The following UBR4 variants were observed in gnomAD, a reference collection of about 807,000 sequenced individuals.
The protein encoded by UBR4 is E3 ubiquitin-protein ligase UBR4.
In UBR4, 124 loss-of-function variants were observed where a neutral mutation model predicts 575.6. The observed-to-expected ratio is 0.22, with a 90% CI of 0.19 to 0.25. The LOEUF is 0.25. Among genes scored for constraint, UBR4 ranks in the 10% least tolerant of loss-of-function variants. UBR4 has a pLI of 1.00. For missense variants in UBR4, 4,818 were observed against 6,478.8 expected (o/e 0.74, Z 8.80); for synonymous variants, 2,455 against 2,473.7 (o/e 0.99, Z 0.22).
chr1:19,119,603 T>C lies in UBR4; in HGVS notation c.10409A>G (p.Asp3470Gly). 6.2e-7 allele frequency: 1 copy of C among 1,614,076 alleles called. No individual in the cohort carries two copies. The highest frequency in any genetic ancestry group is 8.5e-7 in the Non-Finnish European group (1 of 1,179,936). Residue 3470 changes from aspartate (D) to glycine (G), a missense_variant, in exon 70 of 106, where the codon GAC becomes GGC. By Grantham distance (94) the Asp-to-Gly change is moderately conservative. Transcript: ENST00000375254. ...TTTCAGGGAGAAATATCCTAGTAGG[T>C]CCACAAACTGGGCAGCCTTACGACC... is the stretch of plus-strand genomic sequence containing the variant. Reference protein sequence around the residue: ...AYGRKAAQFVDLLGYFSLKTP... With the variant: ...AYGRKAAQFVGLLGYFSLKTP...
Position 19,105,822 on chromosome 1 carries a change from C to T in UBR4, c.12414G>A (p.Thr4138=), listed in dbSNP as rs146021240. The T allele has an allele frequency of 2.4e-5, 39 of 1,603,626 alleles. 1 individual carries two copies. In the South Asian group the frequency reaches 3.5e-4, roughly 14 times the overall value. The change falls in exon 84 of 106, where the codon ACG becomes ACA. Residue 4138 remains threonine (T), a synonymous_variant. Coordinates refer to ENST00000375254, the MANE Select transcript of UBR4 (RefSeq NM_020765.3). ...TACAGGCTGCCTGCCGTGCGGCCTGCGTTGCTGGAGTGAAAAGCACCTGCA... is the reference window on the plus strand; with the variant it reads ...TACAGGCTGCCTGCCGTGCGGCCTGTGTTGCTGGAGTGAAAAGCACCTGCA... ...WLRQVLFTPA[T]QAARQAACTI...
At chr1:19,099,704 T>C (rs1169489323) in intron 89 of UBR4, 27 bp from the exon 90 acceptor site, 7 of 1,601,248 alleles carry the variant, frequency 4.4e-6, no homozygotes, top group African/African-American at 1.3e-5. Context: ...GTGAAGCTGT[T>C]GTTCCAAATA....
chr1:19,137,594 G>A (rs2083338149), intron 60 of UBR4, among the ~76,000 whole-genome samples: 1 of 152,132 alleles, frequency 6.6e-6, no homozygotes, highest in Non-Finnish European at 1.5e-5. Flanking sequence ...CAAACATGCT[G>A]AACAAGGAGC....
rs760884793 is a variant in UBR4, at chr1:19,183,872, G to A, written c.2123C>T (p.Ala708Val). 7 of 1,614,132 alleles carry A rather than the reference G, an allele frequency of 4.3e-6. No individual in the cohort carries two copies. Among genetic ancestry groups the A allele is most frequent in the South Asian group, 1.1e-5 (1 of 91,078 alleles). Residue 708 changes from alanine to valine, a missense_variant, in exon 17 of 106, where the codon GCA becomes GTA. By Grantham distance (64) the Ala-to-Val change is moderately conservative. Transcript: ENST00000375254. ...TGAGTGGTTGAAGTGATAGAGAGCT[G>A]CAGCAAACTCTTCATCTGATGAACC... The part of the protein sequence containing the change: ...LKGSSDEEFA[A>V]ALYHFNHSLV...
At chr1:19,149,808 GC>G in intron 49 of UBR4, 1 of 1,270,442 alleles carries the variant, frequency 7.9e-7, no homozygotes, top group African/African-American at 1.6e-5. Flanking sequence ...TGGGGGAGAA[GC>G]AAAGAAAAAA....
chr1:19,148,756 T>G, intron 49 of UBR4, 130 bp from the exon 50 acceptor site: 1 of 924,512 alleles, frequency 1.1e-6, no homozygotes, highest in South Asian at 1.5e-5. Flanking sequence ...CAAAGCACAA[T>G]AAGACCTGCC....
In UBR4 at chr1:19,172,911, T is replaced by A; in HGVS notation, c.3474A>T (p.Leu1158=). ...CAATGAGTTGCAGCGTGGCTGGAAG[T>A]AGGTTCTTGGTAATCTCAGACGACT... ...PHKSSEITKN[L]LPATLQLIDT... is the part of the protein sequence containing the mutation. Residue 1158 remains leucine, a synonymous_variant, in exon 25 of 106, where the codon CTA becomes CTT. Transcript: ENST00000375254. 6.2e-7 allele frequency: 1 copy of A among 1,614,146 alleles called. No homozygotes were observed. The highest frequency in any genetic ancestry group is 8.5e-7 in the Non-Finnish European group (1 of 1,180,018).
chr1:19,192,571 GA>G, intron 9 of UBR4, 31 bp from the exon 10 acceptor site: 1 of 1,612,420 alleles, frequency 6.2e-7, no homozygotes, highest in South Asian at 1.1e-5. Context: ...ACAAAAATCT[GA>G]ACAAGCTGAC....
At chr1:19,166,411 A>G (rs1002449424) in intron 29 of UBR4, among the ~76,000 whole-genome samples, 3 of 149,770 alleles carry the variant, frequency 2.0e-5, no homozygotes, top group Admixed American at 2.0e-4. Context: ...GCAGCACTTG[A>G]TAGTCATTAA....
At chr1:19,086,600 A>G in intron 100 of UBR4, 79 bp downstream of exon 100, 1 of 1,567,770 alleles carries the variant, frequency 6.4e-7, no homozygotes, top group Non-Finnish European at 8.7e-7. Context: ...ATTTAAAACC[A>G]CGAGGATGGC....
At chr1:19,192,651 A>G in intron 9 of UBR4, 111 bp from the exon 10 acceptor site, 1 of 1,116,550 alleles carries the variant, frequency 9.0e-7, no homozygotes, top group Non-Finnish European at 1.3e-6. Context: ...CCTCTTTTCA[A>G]TGATACATTC....
chr1:19,176,520 C>A, intron 20 of UBR4, 72 bp downstream of exon 20: 1 of 1,565,404 alleles, frequency 6.4e-7, no homozygotes, highest in South Asian at 1.2e-5. Flanking sequence ...TCCAAGAGTC[C>A]CCAAGCTTCA....
chr1:19,170,948 G>A, intron 25 of UBR4, 65 bp from the exon 26 acceptor site: 1 of 1,609,130 alleles, frequency 6.2e-7, no homozygotes, highest in Admixed American at 1.7e-5. Flanking sequence ...GGAAAAACTG[G>A]CCCTAGACTG....
At chr1:19,203,451 G>A (rs2092849938) in intron 1 of UBR4, among the ~76,000 whole-genome samples, 1 of 151,510 alleles carries the variant, frequency 6.6e-6, no homozygotes, top group South Asian at 2.1e-4. Flanking sequence ...AGTGAGCTGA[G>A]ATTGTGCCAC....
At position 19,129,005 on chromosome 1, in the gene UBR4, G is replaced by T. The variant is rs756560482; in HGVS notation, c.8976C>A (p.Gly2992=). 3.1e-6 allele frequency: 5 copies of T among 1,613,922 alleles called. No homozygotes were observed. Among genetic ancestry groups the T allele is most frequent in the Non-Finnish European group, 4.2e-6 (5 of 1,179,980 alleles). The part of the protein sequence containing the change: ...LQTLPQLRNV[G]GVRAIPYMQV... ...GCATGTATGGGATGGCCCGGACACC[G>T]CCAACGTTTCGTAATTGAGGCAGGG... Residue 2992 remains glycine, a synonymous_variant, in exon 61 of 106, where the codon GGC becomes GGA. Transcript: ENST00000375254.
intron 60 of UBR4, among the ~76,000 whole-genome samples, chr1:19,131,256 A>G (rs571141637): frequency 2.0e-5 from 3 of 150,568 alleles, no homozygotes; most frequent in African/African-American, 7.3e-5. Flanking sequence ...AAAAAAAAAA[A>G]AAAAAAAAAA....
rs991858865 is a variant in UBR4 at position 19,151,866 on chromosome 1, G to A, written c.6997-7C>T. 2 of 1,574,228 alleles carry A rather than the reference G, an allele frequency of 1.3e-6. No individual in the cohort carries two copies. Among genetic ancestry groups the A allele is most frequent in the Non-Finnish European group, 1.7e-6 (2 of 1,160,838 alleles). On this transcript the variant is annotated splice_polypyrimidine_tract_variant and splice_region_variant and intron_variant, in intron 47 of 105. Transcript: ENST00000375254. Reference sequence around the variant, plus strand: ...CAATGGTGAAGCCTCCGGGCTGTAGGGAGACAAGGCACACATCAAGAAACT... The same window carrying A: ...CAATGGTGAAGCCTCCGGGCTGTAGAGAGACAAGGCACACATCAAGAAACT...
chr1:19,131,369 GAAAAT>G (rs1427549653), intron 60 of UBR4, among the ~76,000 whole-genome samples: 1 of 150,532 alleles, frequency 6.6e-6, no homozygotes, highest in African/African-American at 2.4e-5. Context: ...AGCAAAAACT[GAAAAT>G]AAAACCAAAA....
chr1:19,114,124 C>G, intron 75 of UBR4, 54 bp from the exon 76 acceptor site: 1 of 1,585,038 alleles, frequency 6.3e-7, no homozygotes, highest in Non-Finnish European at 8.6e-7. Context: ...ATGACTTTCC[C>G]TGAGTAATCC....
Sources: allele counts gnomAD v4.1 joint callset (sites outside exome capture counted in the v4.1 genomes callset), GRCh38; gene constraint gnomAD v4.1.1; transcripts MANE v1.5; gene names NCBI Gene and HGNC (gene_info 2026-07-23, HGNC 2026-07-21).